The following SNX29 variants were observed in gnomAD, a reference collection of about 807,000 sequenced individuals.
SNX29 encodes sorting nexin 29, also known as sorting nexin-29.
SNX29 carries 78 observed loss-of-function variants against 102.1 expected under a neutral mutation model. The observed-to-expected ratio is 0.76, with a 90% CI of 0.64 to 0.92. SNX29 has a LOEUF of 0.92. Ranked by LOEUF, SNX29 falls within the 40% of genes least tolerant of loss-of-function variation. The pLI is 0.00. For missense variants in SNX29, 1,280 were observed against 1,061.7 expected (o/e 1.21, Z -2.86); for synonymous variants, 580 against 414.5 (o/e 1.40, Z -4.85).
chr16:12,379,938 G>A (rs2083012205), intron 16 of SNX29, among the ~76,000 whole-genome samples: 1 of 152,116 alleles, frequency 6.6e-6, no homozygotes, highest in African/African-American at 2.4e-5. Context: ...TTTCTGGAAG[G>A]TACTTTTTTG....
At chr16:12,235,431 G>A (rs1248835948) in intron 14 of SNX29, among the ~76,000 whole-genome samples, 2 of 152,138 alleles carry the variant, frequency 1.3e-5, no homozygotes, top group African/African-American at 2.4e-5. Context: ...CACATTTGGA[G>A]GTACATATTT....
chr16:12,527,826 CT>C lies in SNX29; in HGVS notation c.2318+3001del, dbSNP rs767257136. Among the ~76,000 whole-genome samples, 1,017 of 138,358 alleles carry C rather than the reference CT, an allele frequency of 7.4e-3. 1 individual carries two copies. Among genetic ancestry groups the C allele is most frequent in the Middle Eastern group, 0.026 (7 of 268 alleles). The allele number at this position is 138,358 out of a possible 152,430, so 90.8% of individuals were successfully genotyped here. A position where few individuals can be genotyped will look rare whatever the true frequency, so the allele number is the denominator to read the frequency against. ...TTTGTTATTTATTTTTCTTCTTCTT[CT>C]TTTTTTTTTTTTTTTGAGATGAAGT... On this transcript the variant is annotated intron_variant, in intron 20 of 20. Transcript: ENST00000566228.
intron 13 of SNX29, among the ~76,000 whole-genome samples, chr16:12,174,346 A>G (rs563210424): frequency 6.6e-6 from 1 of 152,350 alleles, no homozygotes; most frequent in East Asian, 1.9e-4. Context: ...CAGTTAGCCT[A>G]GTGACCTCTT....
intron 20 of SNX29, among the ~76,000 whole-genome samples, chr16:12,564,100 C>G (rs1052533858): frequency 1.3e-5 from 2 of 152,164 alleles, no homozygotes; most frequent in Non-Finnish European, 2.9e-5. Context: ...TTTGTAAAAT[C>G]CTCCTTGATT....
intron 18 of SNX29, among the ~76,000 whole-genome samples, chr16:12,450,547 T>G (rs1398235330): frequency 6.6e-6 from 1 of 152,174 alleles, no homozygotes; most frequent in Non-Finnish European, 1.5e-5. Context: ...GTGCTCTGAT[T>G]GGCTGAGGCC....
chr16:12,350,496 G>T (rs181062496), intron 15 of SNX29, among the ~76,000 whole-genome samples: 2 of 152,208 alleles, frequency 1.3e-5, no homozygotes, highest in East Asian at 1.9e-4. Context: ...GGACCAATCC[G>T]CCACCCATAC....
chr16:12,389,353 C>G (rs558669795), intron 16 of SNX29, among the ~76,000 whole-genome samples: 1 of 152,146 alleles, frequency 6.6e-6, no homozygotes, highest in Non-Finnish European at 1.5e-5. Flanking sequence ...GGGAAATAAT[C>G]GAATCACGGG....
At chr16:12,484,832 G>T (rs2088147101) in intron 19 of SNX29, among the ~76,000 whole-genome samples, 1 of 152,102 alleles carries the variant, frequency 6.6e-6, no homozygotes, top group Admixed American at 6.6e-5. Flanking sequence ...TTTCTTCCCA[G>T]TGTATACCAT....
chr16:12,335,281 C>T (rs918074307), intron 15 of SNX29, among the ~76,000 whole-genome samples: 1 of 152,080 alleles, frequency 6.6e-6, no homozygotes, highest in African/African-American at 2.4e-5. Flanking sequence ...GGAAAAGATT[C>T]TTTAATTTTA....
intron 13 of SNX29, among the ~76,000 whole-genome samples, chr16:12,151,112 G>C (rs936764488): frequency 6.6e-6 from 1 of 152,132 alleles, no homozygotes; most frequent in Non-Finnish European, 1.5e-5. Flanking sequence ...TAGTGTAACA[G>C]CCCCTGTGTA....
At chr16:12,223,005 T>G (rs773474626) in intron 14 of SNX29, among the ~76,000 whole-genome samples, 1 of 152,226 alleles carries the variant, frequency 6.6e-6, no homozygotes, top group Non-Finnish European at 1.5e-5. Flanking sequence ...AGTGGGCAAC[T>G]GAGTTTAGGT....
intron 14 of SNX29, among the ~76,000 whole-genome samples, chr16:12,224,204 A>G (rs549400251): frequency 6.6e-6 from 1 of 152,294 alleles, no homozygotes; most frequent in East Asian, 1.9e-4. Context: ...TCAGGAGTCG[A>G]GTAGATGTGG....
chr16:12,522,666 T>G (rs947696702), intron 19 of SNX29, among the ~76,000 whole-genome samples: 1 of 152,190 alleles, frequency 6.6e-6, no homozygotes, highest in African/African-American at 2.4e-5. Context: ...CCACGTAAGA[T>G]GTGCCTGAGT....
chr16:12,227,899 T>TAAAAAAAAAAAA (rs59381762), intron 14 of SNX29, among the ~76,000 whole-genome samples: 1 of 71,560 alleles, frequency 1.4e-5, no homozygotes, highest in African/African-American at 6.2e-5. Flanking sequence ...GACTCTGTCT[T>TAAAAAAAAAAAA]AAAAAAAAAA....
intron 18 of SNX29, among the ~76,000 whole-genome samples, chr16:12,404,541 G>A (rs1387973219): frequency 6.6e-6 from 1 of 151,982 alleles, no homozygotes; most frequent in African/African-American, 2.4e-5. Context: ...AATAATTGTC[G>A]TTAGGTTTTG....
chr16:12,572,552 G>T lies in SNX29; in HGVS notation c.*3923G>T, dbSNP rs2079209978. 1.9e-6 allele frequency: 2 copies of T among 1,063,460 alleles called. No homozygotes were observed. Among genetic ancestry groups the T allele is most frequent in the Admixed American group, 1.1e-4 (2 of 18,710 alleles). The allele number at this position is 1,063,460 out of a possible 1,614,324, so 65.9% of individuals were successfully genotyped here. On this transcript the variant is annotated 3_prime_UTR_variant, in exon 21 of 21. Coordinates refer to ENST00000566228, the MANE Select transcript of SNX29 (RefSeq NM_032167.5). ...CCACAGGGGGCTGCGACACCATCTG[G>T]CTCCTCACAGGGAGGTCCAGCCATG... is the stretch of plus-strand genomic sequence containing the variant.
At chr16:12,556,130 A>C (rs189451906) in intron 20 of SNX29, among the ~76,000 whole-genome samples, 49 of 152,278 alleles carry the variant, frequency 3.2e-4, no homozygotes, top group African/African-American at 1.2e-3. Flanking sequence ...TTATGTTCTC[A>C]AAGTGATGGT....
At chr16:12,108,110 C>A (rs2053342167) in intron 11 of SNX29, among the ~76,000 whole-genome samples, 2 of 152,182 alleles carry the variant, frequency 1.3e-5, no homozygotes, top group Non-Finnish European at 2.9e-5. Flanking sequence ...ATTATGCTAC[C>A]CGAGCTGAGA....
intron 15 of SNX29, among the ~76,000 whole-genome samples, chr16:12,279,272 G>C (rs1190354470): frequency 6.6e-6 from 1 of 152,232 alleles, no homozygotes; most frequent in Non-Finnish European, 1.5e-5. Flanking sequence ...GGGCCTTGGA[G>C]GGTGTTCCCC....
Sources: gnomAD v4.1 joint callset for allele counts (sites outside exome capture counted in the v4.1 genomes callset) on GRCh38, gnomAD v4.1.1 for gene constraint, MANE v1.5 for transcripts, NCBI Gene and HGNC (gene_info 2026-07-23, HGNC 2026-07-21) for gene names.